Variants in TRPM3 observed in about 807,000 individuals in gnomAD.
TRPM3 encodes the protein long transient receptor potential channel 3.
Under a neutral mutation model 181.2 loss-of-function variants are expected in TRPM3, and 77 were observed. The observed-to-expected ratio is 0.42, with a 90% CI of 0.35 to 0.51. The LOEUF (loss-of-function observed/expected upper bound fraction) is 0.51, where lower values mean the gene tolerates loss of function less well. Ranked by LOEUF, TRPM3 falls within the 20% of genes least tolerant of loss-of-function variation. The pLI, the probability that TRPM3 is intolerant of heterozygous loss-of-function variation, is 0.01. For synonymous variants in TRPM3, 745 were observed against 796.4 expected (o/e 0.94, Z 1.09); for missense variants, 1,759 against 2,196.7 (o/e 0.80, Z 3.98).
At chr9:71,134,939 C>T (rs1307443206) in intron 1 of TRPM3, among the ~76,000 whole-genome samples, 2 of 152,124 alleles carry the variant, frequency 1.3e-5, no homozygotes, top group African/African-American at 4.8e-5. Flanking sequence ...AACTCACTAA[C>T]CCCTTGAAAT....
intron 22 of TRPM3, among the ~76,000 whole-genome samples, chr9:70,556,720 TCAAAAA>T (rs2047805973): frequency 6.6e-6 from 1 of 152,106 alleles, no homozygotes; most frequent in African/African-American, 2.4e-5. Context: ...AGACCCTGTC[TCAAAAA>T]CAAAAACCCC....
At chr9:70,906,135 T>TA (rs886604397) in intron 1 of TRPM3, among the ~76,000 whole-genome samples, 8 of 152,162 alleles carry the variant, frequency 5.3e-5, no homozygotes, top group Non-Finnish European at 1.0e-4. Context: ...CTTGACAACT[T>TA]AAAAAAATCT....
intron 1 of TRPM3, among the ~76,000 whole-genome samples, chr9:71,382,093 C>G (rs573407738): frequency 1.7e-3 from 252 of 152,262 alleles, no homozygotes; most frequent in African/African-American, 5.7e-3. Context: ...TGGTTAAGAA[C>G]ATGGCTTTAG....
chr9:71,086,826 G>A (rs1222568100), intron 1 of TRPM3, among the ~76,000 whole-genome samples: 1 of 152,040 alleles, frequency 6.6e-6, no homozygotes, highest in African/African-American at 2.4e-5. Flanking sequence ...GGCAGAGCTA[G>A]GAGTAGGTTA....
intron 20 of TRPM3, among the ~76,000 whole-genome samples, chr9:70,599,703 G>T (rs2059559454): frequency 6.6e-6 from 1 of 152,118 alleles, no homozygotes; most frequent in South Asian, 2.1e-4. Flanking sequence ...CCCCTTTTTA[G>T]GAAGGCCTTT....
chr9:70,640,519 AACCAAAGTGGGC>A, intron 10 of TRPM3, 29 bp downstream of exon 10: 1 of 1,571,212 alleles, frequency 6.4e-7, no homozygotes, highest in South Asian at 1.1e-5. Flanking sequence ...ACCCTTGGCC[AACCAAAGTGGGC>A]TTTTCATGGG....
chr9:70,835,636 C>T (rs537048822), intron 5 of TRPM3, among the ~76,000 whole-genome samples: 27 of 152,222 alleles, frequency 1.8e-4, no homozygotes, highest in African/African-American at 6.5e-4. Context: ...TACACGCTTG[C>T]CAGTTGGGTG....
At chr9:71,221,270 A>T (rs1185533154) in intron 1 of TRPM3, among the ~76,000 whole-genome samples, 2 of 152,228 alleles carry the variant, frequency 1.3e-5, no homozygotes, top group Admixed American at 6.5e-5. Context: ...AACATTTGCA[A>T]TCTGGACATT....
chr9:70,911,570 C>T (rs3010448), intron 1 of TRPM3, among the ~76,000 whole-genome samples: 2,390 of 152,268 alleles, frequency 0.016, 69 homozygotes, highest in African/African-American at 0.055. Context: ...GAACTCATGA[C>T]ATTCTACTAA....
chr9:71,368,965 T>C (rs1352213525), intron 1 of TRPM3, among the ~76,000 whole-genome samples: 2 of 152,094 alleles, frequency 1.3e-5, no homozygotes, highest in African/African-American at 2.4e-5. Context: ...AAGTAGAAAA[T>C]AGTAAACTGA....
chr9:70,630,558 G>GA (rs2065634739), intron 12 of TRPM3, among the ~76,000 whole-genome samples: 1 of 152,236 alleles, frequency 6.6e-6, no homozygotes, highest in African/African-American at 2.4e-5. Context: ...ACACCTTCTG[G>GA]AGGAGACTTC....
intron 1 of TRPM3, chr9:70,868,837 C>T (rs1270724211): frequency 4.9e-6 from 1 of 202,950 alleles, no homozygotes; most frequent in Non-Finnish European, 8.7e-6. Flanking sequence ...TCAGAACAAA[C>T]ATCCCCAACC....
intron 22 of TRPM3, among the ~76,000 whole-genome samples, chr9:70,576,335 C>T (rs955685516): frequency 1.3e-5 from 2 of 152,142 alleles, no homozygotes; most frequent in African/African-American, 4.8e-5. Context: ...TGGCAGTGCA[C>T]TGTGTCTTGA....
chr9:71,001,838 G>T (rs1467451362), intron 1 of TRPM3, among the ~76,000 whole-genome samples: 4 of 152,198 alleles, frequency 2.6e-5, no homozygotes, highest in African/African-American at 9.7e-5. Context: ...TTTTGTTTTT[G>T]CCTTTGTTGC....
Position 70,553,054 on chromosome 9 carries a change from G to T in TRPM3, c.3375-11C>A. 1 of 1,614,034 alleles carries T rather than the reference G, an allele frequency of 6.2e-7. No homozygotes were observed. The highest frequency in any genetic ancestry group is 8.5e-7 in the Non-Finnish European group (1 of 1,179,930). ...TCAAAAAATGTATTGCTAAAATAGA[G>T]ACCAAAGAGAATCAAGTGAGAAAAA... On this transcript the variant is annotated splice_polypyrimidine_tract_variant and intron_variant, in intron 23 of 25. Coordinates refer to ENST00000677713, the MANE Select transcript of TRPM3 (RefSeq NM_001366145.2).
intron 1 of TRPM3, among the ~76,000 whole-genome samples, chr9:70,935,986 C>A (rs935365188): frequency 6.6e-6 from 1 of 152,164 alleles, no homozygotes; most frequent in African/African-American, 2.4e-5. Flanking sequence ...ACTTTACTCC[C>A]TTCAAACACT....
chr9:71,328,339 A>AT lies in TRPM3; in HGVS notation c.183+118313dup, dbSNP rs564642149. Among the ~76,000 whole-genome samples the AT allele has an allele frequency of 2.8e-4, 43 of 151,508 alleles. 2 individuals carry two copies. In the East Asian group the frequency reaches 6.2e-3, roughly 22 times the overall value. On this transcript the variant is annotated intron_variant, in intron 1 of 24. Transcript: ENST00000357533. ...CCACCACGCCCGGCTAATTTTTTGT[A>AT]TTTTTTTTAGTAGAGACGGGGTTTC... is the stretch of plus-strand genomic sequence containing the variant.
chr9:71,022,954 C>A (rs1304371385), intron 1 of TRPM3, among the ~76,000 whole-genome samples: 3 of 151,908 alleles, frequency 2.0e-5, no homozygotes, highest in African/African-American at 7.3e-5. Context: ...GAATTCTAGC[C>A]TTGAAACCAA....
chr9:70,925,010 C>G (rs1357410070), intron 1 of TRPM3, among the ~76,000 whole-genome samples: 1 of 152,160 alleles, frequency 6.6e-6, no homozygotes, highest in Non-Finnish European at 1.5e-5. Context: ...TACACAATTG[C>G]CATTTCATAA....
Sources: allele counts gnomAD v4.1 joint callset (sites outside exome capture counted in the v4.1 genomes callset), GRCh38; gene constraint gnomAD v4.1.1; transcripts MANE v1.5; gene names NCBI Gene and HGNC (gene_info 2026-07-23, HGNC 2026-07-21).